The following C10orf71 variants were observed in gnomAD, a reference collection of about 807,000 sequenced individuals.
C10orf71 encodes chromosome 10 open reading frame 71.
For synonymous variants in C10orf71, 758 were observed against 726.3 expected, an observed-to-expected ratio of 1.04 and a Z score of -0.70; for missense variants, 1,869 against 1,804.5, an observed-to-expected ratio of 1.04 and a Z score of -0.65.
At chr10:49,318,505 G>A (rs148072669) in intron 2 of C10orf71, among the ~76,000 whole-genome samples, 79 of 152,342 alleles carry the variant, frequency 5.2e-4, no homozygotes, top group African/African-American at 1.6e-3. Flanking sequence ...CCCAGAGCAG[G>A]TCAGTAGCTA....
In C10orf71 at chr10:49,318,564, A is replaced by G. The variant is rs547582623; in HGVS notation, c.-145+2317A>G. Among the ~76,000 whole-genome samples, 5 of 152,314 alleles carry G rather than the reference A, an allele frequency of 3.3e-5. No individual in the cohort carries two copies. The South Asian group carries it at 1.0e-3, about 32-fold the overall frequency. On this transcript the variant is annotated intron_variant, in intron 2 of 2. Transcript: ENST00000374144. ...AGAACTCAGGTCCCATCCTTTCTCC[A>G]GCTTAGTTCTGTCTTTCACAGAAAC...
intron 1 of C10orf71, among the ~76,000 whole-genome samples, chr10:49,307,870 AGGGTCCCTCCCT>A (rs1315667808): frequency 1.3e-5 from 2 of 152,072 alleles, no homozygotes; most frequent in Non-Finnish European, 2.9e-5. Flanking sequence ...TCCTGCCATA[AGGGTCCCTCCCT>A]GGGTCTGTGA....
chr10:49,297,663 T>C (rs1848659680), upstream of C10orf71, among the ~76,000 whole-genome samples: 2 of 152,156 alleles, frequency 1.3e-5, no homozygotes, highest in African/African-American at 4.8e-5. Flanking sequence ...ACTTTAGAGA[T>C]GGGTAAACTG....
chr10:49,324,017 G>C lies in C10orf71; in HGVS notation c.1472G>C (p.Ser491Thr). Residue 491 changes from serine to threonine, a missense_variant, in exon 3 of 3, where the codon AGC becomes ACC. Ser to Thr is a moderately conservative substitution (Grantham distance 58). Transcript: ENST00000374144. The part of the protein sequence containing the change: ...KEPSECQSRD[S>T]YKSKAPSLLF... Reference sequence around the variant, plus strand: ...CCCAGTGAATGTCAGTCTCGAGACAGCTACAAGTCCAAAGCCCCTAGCCTG... The same window carrying C: ...CCCAGTGAATGTCAGTCTCGAGACACCTACAAGTCCAAAGCCCCTAGCCTG... 6.2e-7 allele frequency: 1 copy of C among 1,613,588 alleles called. No individual in the cohort carries two copies. Among genetic ancestry groups the C allele is most frequent in the Non-Finnish European group, 8.5e-7 (1 of 1,179,696 alleles).
In C10orf71 at chr10:49,325,141, C is replaced by A; in HGVS notation, c.2596C>A (p.Pro866Thr). The A allele has an allele frequency of 3.2e-6, 5 of 1,552,090 alleles. No individual in the cohort carries two copies. The highest frequency in any genetic ancestry group is 4.4e-6 in the Non-Finnish European group (5 of 1,147,082). The change falls in exon 3 of 3, where the codon CCC (proline) becomes ACC (threonine). Residue 866 changes from proline (P) to threonine (T), a missense_variant. Transcript: ENST00000374144. ...TAAAGACAACACCCTCAGAGCTACC[C>A]CCGTAATTAAACCTATCATGCTGCC... ...TIKDNTLRAT[P>T]VIKPIMLPLL... is the part of the protein sequence containing the mutation.
At chr10:49,312,897 G>A (rs985463724) in intron 1 of C10orf71, among the ~76,000 whole-genome samples, 25 of 152,172 alleles carry the variant, frequency 1.6e-4, no homozygotes, top group African/African-American at 5.6e-4. Flanking sequence ...TGTGATTATA[G>A]GATTATAATT....
chr10:49,325,564 C>A lies in C10orf71; in HGVS notation c.3019C>A (p.Pro1007Thr). The change falls in exon 3 of 3, where the codon CCC (proline) becomes ACC (threonine). Residue 1007 changes from proline to threonine, a missense_variant. Pro to Thr is a conservative substitution (Grantham distance 38, BLOSUM62 -1). Coordinates refer to ENST00000374144, the MANE Select transcript of C10orf71 (RefSeq NM_001135196.2). ...APWHIPTIALPEGDIEDQPPP... is the reference protein window; with the variant it reads ...APWHIPTIALTEGDIEDQPPP... ...ATGGCACATCCCCACCATTGCTTTA[C>A]CCGAGGGTGACATAGAAGACCAGCC... 6.4e-7 allele frequency: 1 copy of A among 1,550,714 alleles called. No individual in the cohort carries two copies. The highest frequency in any genetic ancestry group is 8.7e-7 in the Non-Finnish European group (1 of 1,146,138).
chr10:49,310,725 T>C (rs1848895608), intron 1 of C10orf71, among the ~76,000 whole-genome samples: 1 of 152,154 alleles, frequency 6.6e-6, no homozygotes, highest in Non-Finnish European at 1.5e-5. Context: ...TGGCTTCCTC[T>C]GATTGTGATC....
chr10:49,321,202 T>C (rs564718500), intron 2 of C10orf71, among the ~76,000 whole-genome samples: 2 of 152,208 alleles, frequency 1.3e-5, no homozygotes. Context: ...GTTACTTCCT[T>C]TGACAAATAA....
intron 1 of C10orf71, among the ~76,000 whole-genome samples, chr10:49,314,003 A>C (rs1297606809): frequency 2.6e-5 from 4 of 152,174 alleles, no homozygotes; most frequent in Non-Finnish European, 5.9e-5. Flanking sequence ...GAAATCCAGC[A>C]GTCAAGGAGA....
Position 49,323,802 on chromosome 10 carries a change from A to T in C10orf71, c.1257A>T (p.Glu419Asp), listed in dbSNP as rs756638573. 2 of 1,613,998 alleles carry T rather than the reference A, an allele frequency of 1.2e-6. No individual in the cohort carries two copies. Among genetic ancestry groups the T allele is most frequent in the South Asian group, 2.2e-5 (2 of 91,084 alleles). The change falls in exon 3 of 3, where the codon GAA becomes GAT. Residue 419 changes from glutamate to aspartate, a missense_variant. By Grantham distance (45) the Glu-to-Asp change is conservative. Coordinates refer to ENST00000374144, the MANE Select transcript of C10orf71 (RefSeq NM_001135196.2). The stretch of plus-strand genomic sequence containing the variant: ...TGTATACAAAACACAACCCCCAGGA[A>T]CAGTTTTCAGAAAACAATGCTCTTG... ...PPLYTKHNPQ[E>D]QFSENNALDL...
intron 2 of C10orf71, among the ~76,000 whole-genome samples, chr10:49,317,511 T>C (rs560488233): frequency 1.8e-4 from 28 of 152,262 alleles, no homozygotes; most frequent in African/African-American, 6.5e-4. Context: ...AAAGACGAGG[T>C]TATTAAGGTG....
chr10:49,316,743 C>T (rs1179772263), intron 2 of C10orf71, among the ~76,000 whole-genome samples: 2 of 152,184 alleles, frequency 1.3e-5, no homozygotes, highest in Admixed American at 6.5e-5. Context: ...AGCACACTTC[C>T]GTCCTTGTGT....
Position 49,322,902 on chromosome 10 carries a change from A to C in C10orf71, c.357A>C (p.Pro119=). The C allele has an allele frequency of 1.2e-6, 2 of 1,613,864 alleles. No individual in the cohort carries two copies. The highest frequency in any genetic ancestry group is 1.7e-6 in the Non-Finnish European group (2 of 1,179,836). Residue 119 remains proline, a synonymous_variant, in exon 3 of 3, where the codon CCA becomes CCC. Coordinates refer to ENST00000374144, the MANE Select transcript of C10orf71 (RefSeq NM_001135196.2). ...AGTACCCCAAAACCAGCCCCCCACC[A>C]ACGCCAGTCCAGAGGAGACTGGAGG... ...EEKYPKTSPP[P]TPVQRRLEVP...
At chr10:49,307,430 C>T (rs1848833794) in intron 1 of C10orf71, among the ~76,000 whole-genome samples, 1 of 152,258 alleles carries the variant, frequency 6.6e-6, no homozygotes, top group South Asian at 2.1e-4. Context: ...TCCAGCCCAT[C>T]TGGCCACCAG....
Position 49,324,789 on chromosome 10 carries a change from TACTGAGAACCAGCG to T in C10orf71, c.2245_2258del (p.Thr749GlyfsTer11). 1 of 1,552,538 alleles carries T rather than the reference TACTGAGAACCAGCG, an allele frequency of 6.4e-7. No individual in the cohort carries two copies. Among genetic ancestry groups the T allele is most frequent in the Non-Finnish European group, 8.7e-7 (1 of 1,147,296 alleles). ...TTGATGATCAGCAGAAGATGTGGTT[TACTGAGAACCAGCG>T]GGAAGACAGGAGGAAGGATGTGAGT... is the stretch of plus-strand genomic sequence containing the variant. On this transcript the variant is annotated frameshift_variant, in exon 3 of 3. Coordinates refer to ENST00000374144, the MANE Select transcript of C10orf71 (RefSeq NM_001135196.2). LOFTEE classifies it low-confidence loss of function (END_TRUNC).
intron 1 of C10orf71, among the ~76,000 whole-genome samples, chr10:49,304,145 C>T (rs1212976257): frequency 1.3e-5 from 2 of 152,172 alleles, no homozygotes; most frequent in East Asian, 1.9e-4. Flanking sequence ...TGCTCCCTGG[C>T]GGGACCAGAT....
In C10orf71 at chr10:49,326,575, A is replaced by T. The variant is rs1281035817; in HGVS notation, c.4030A>T (p.Thr1344Ser). ...CCCCGGCTTCCAGCCAGTGCCCGTG[A>T]CGGCCTTGATGCCGCTGCGCTGCTC... is the stretch of plus-strand genomic sequence containing the variant. ...LYPGFQPVPVTALMPLRCSSQ... is the reference protein window; with the variant it reads ...LYPGFQPVPVSALMPLRCSSQ... Residue 1344 changes from threonine (T) to serine (S), a missense_variant, in exon 3 of 3, where the codon ACG becomes TCG. By Grantham distance (58) the Thr-to-Ser change is moderately conservative. Transcript: ENST00000374144. The T allele has an allele frequency of 3.2e-6, 5 of 1,550,492 alleles. No individual in the cohort carries two copies. In the Admixed American group the frequency reaches 5.9e-5, roughly 18 times the overall value.
Position 49,325,125 on chromosome 10 carries a change from C to A in C10orf71, c.2580C>A (p.Asn860Lys). ...NRHMLFTIKD[N>K]TLRATPVIKP... ...ACATGCTGTTTACGATTAAAGACAACACCCTCAGAGCTACCCCCGTAATTA... is the reference window on the plus strand; with the variant it reads ...ACATGCTGTTTACGATTAAAGACAAAACCCTCAGAGCTACCCCCGTAATTA... The change falls in exon 3 of 3, where the codon AAC becomes AAA. Residue 860 changes from asparagine (N) to lysine (K), a missense_variant. Transcript: ENST00000374144. 6.4e-6 allele frequency: 10 copies of A among 1,552,084 alleles called. No homozygotes were observed. The highest frequency in any genetic ancestry group is 7.8e-6 in the Non-Finnish European group (9 of 1,147,090).
Sources: allele counts gnomAD v4.1 joint callset (sites outside exome capture counted in the v4.1 genomes callset), GRCh38; gene constraint gnomAD v4.1.1; transcripts MANE v1.5; gene names NCBI Gene and HGNC (gene_info 2026-07-23, HGNC 2026-07-21).